Variants in VCL observed in about 807,000 individuals in gnomAD.
VCL encodes epididymis luminal protein 114.
Under a neutral mutation model 125.7 loss-of-function variants are expected in VCL, and 47 were observed. That is an observed-to-expected ratio of 0.37 (90% confidence interval 0.30 to 0.48). The LOEUF (loss-of-function observed/expected upper bound fraction) is 0.48. Among genes scored for constraint, VCL ranks in the 20% least tolerant of loss-of-function variants. VCL has a pLI of 0.99. For missense variants in VCL, 1,069 were observed against 1,455.5 expected (o/e 0.73, Z 4.32); for synonymous variants, 458 against 514.6 (o/e 0.89, Z 1.49).
At chr10:74,108,028 A>G (rs1840164608) in intron 17 of VCL, among the ~76,000 whole-genome samples, 1 of 152,242 alleles carries the variant, frequency 6.6e-6, no homozygotes, top group African/African-American at 2.4e-5. Context: ...TTATCAAGGC[A>G]ATAATCTGAT....
chr10:74,087,867 T>A (rs894825155), intron 8 of VCL, among the ~76,000 whole-genome samples: 12 of 152,042 alleles, frequency 7.9e-5, no homozygotes, highest in South Asian at 6.2e-4. Flanking sequence ...TCTCAGCTAC[T>A]CGGGAGGCCG....
intron 2 of VCL, among the ~76,000 whole-genome samples, chr10:74,058,261 T>C (rs2136262336): frequency 6.6e-6 from 1 of 152,294 alleles, no homozygotes; most frequent in South Asian, 2.1e-4. Flanking sequence ...CTTCCTTCCC[T>C]CCACCTGTTT....
chr10:74,086,316 C>T (rs573926536), intron 8 of VCL, among the ~76,000 whole-genome samples: 9 of 152,326 alleles, frequency 5.9e-5, no homozygotes, highest in African/African-American at 2.2e-4. Context: ...TTCCTGGATT[C>T]CCTGCAGCCC....
At chr10:74,106,094 G>A (rs952210451) in intron 16 of VCL, among the ~76,000 whole-genome samples, 2 of 148,780 alleles carry the variant, frequency 1.3e-5, no homozygotes, top group Non-Finnish European at 3.0e-5. Context: ...CTAATTTTTT[G>A]TAGTTTTAGT....
In VCL at chr10:74,097,268, C is replaced by G; in HGVS notation, c.1808C>G (p.Thr603Arg). The G allele has an allele frequency of 1.2e-6, 2 of 1,614,138 alleles. No individual in the cohort carries two copies. The highest frequency in any genetic ancestry group is 1.7e-6 in the Non-Finnish European group (2 of 1,180,008). Residue 603 changes from threonine to arginine, a missense_variant, in exon 13 of 22, where the codon ACA becomes AGA. Transcript: ENST00000211998. This position sits in a 1 kb window ranked among gnomAD's most constrained non-coding sequence, Gnocchi z 4.1. Reference protein sequence around the residue: ...QEVSDVFSDTTTPIKLLAVAA... With the variant: ...QEVSDVFSDTRTPIKLLAVAA... Reference sequence around the variant, plus strand: ...GTGTCAGATGTTTTCAGCGATACCACAACTCCCATCAAGCTGTTGGCAGTG... The same window carrying G: ...GTGTCAGATGTTTTCAGCGATACCAGAACTCCCATCAAGCTGTTGGCAGTG...
intron 7 of VCL, 104 bp downstream of exon 7, chr10:74,082,648 C>T (rs1256633534): frequency 6.6e-6 from 8 of 1,207,548 alleles, no homozygotes; most frequent in Non-Finnish European, 9.6e-6. Flanking sequence ...GAGAGAACTA[C>T]TGTAACATTA....
At chr10:74,080,145 G>C (rs1444351226) in intron 6 of VCL, among the ~76,000 whole-genome samples, 1 of 152,034 alleles carries the variant, frequency 6.6e-6, no homozygotes, top group Non-Finnish European at 1.5e-5. Flanking sequence ...AATCATTTTT[G>C]GGCATTGGAG....
intron 2 of VCL, 29 bp from the exon 3 acceptor site, chr10:74,070,641 G>C: frequency 6.2e-7 from 1 of 1,613,624 alleles, no homozygotes; most frequent in South Asian, 1.1e-5. Flanking sequence ...TGGTTCTGCC[G>C]GTGTGTTAAC....
intron 1 of VCL, among the ~76,000 whole-genome samples, chr10:74,019,844 C>G (rs1840627651): frequency 6.6e-6 from 1 of 152,142 alleles, no homozygotes. Flanking sequence ...GGTCAGATCA[C>G]CTGAGGTCAG....
At chr10:74,010,172 G>A (rs746131336) in intron 1 of VCL, among the ~76,000 whole-genome samples, 5 of 151,628 alleles carry the variant, frequency 3.3e-5, no homozygotes, top group Non-Finnish European at 7.4e-5. Context: ...TGATCCATCC[G>A]CCTCGGATTC....
chr10:74,108,668 TG>T (rs1364018692), intron 17 of VCL, among the ~76,000 whole-genome samples: 5 of 152,062 alleles, frequency 3.3e-5, no homozygotes. Context: ...TTAGTAGAGA[TG>T]GGGTTTCACC....
intron 6 of VCL, among the ~76,000 whole-genome samples, chr10:74,079,173 A>AT (rs1296437783): frequency 2.6e-5 from 4 of 152,070 alleles, no homozygotes; most frequent in African/African-American, 9.7e-5. Context: ...AAGGCACTGT[A>AT]TTTTTTTCAT....
chr10:74,042,816 A>C (rs192818898), intron 1 of VCL, among the ~76,000 whole-genome samples: 1 of 152,160 alleles, frequency 6.6e-6, no homozygotes, highest in African/African-American at 2.4e-5. Context: ...AATTTCTCCT[A>C]TTATGCTCAG....
In VCL at chr10:74,101,217, C is replaced by T. The variant is rs530738950; in HGVS notation, c.2022+120C>T. 40 of 1,377,564 alleles carry T rather than the reference C, an allele frequency of 2.9e-5. 1 individual carries two copies. In the East Asian group the frequency reaches 3.0e-4, roughly 10 times the overall value. 85.3% of individuals were successfully genotyped at this position (1,377,564 alleles called of 1,614,324 possible). A position where few individuals can be genotyped will look rare whatever the true frequency, so the allele number is the denominator to read the frequency against. The stretch of plus-strand genomic sequence containing the variant: ...ATAAAAAAACATATACAGGCCAGCA[C>T]GGTAGCACCTATAATTCCGGCACTT... On this transcript the variant is annotated intron_variant, in intron 14 of 21. Transcript: ENST00000211998.
At chr10:74,011,695 A>G (rs1408251849) in intron 1 of VCL, among the ~76,000 whole-genome samples, 3 of 152,172 alleles carry the variant, frequency 2.0e-5, no homozygotes, top group African/African-American at 7.2e-5. Flanking sequence ...TGTACCAAAT[A>G]TTTATACAGT....
chr10:74,072,756 G>T lies in VCL; in HGVS notation c.526G>T (p.Asp176Tyr). 6.2e-7 allele frequency: 1 copy of T among 1,614,006 alleles called. No individual in the cohort carries two copies. The highest frequency in any genetic ancestry group is 1.1e-5 in the South Asian group (1 of 91,080). ...PGMTKMAKMI[D>Y]ERQQELTHQE... ...AATGACTAAGATGGCCAAGATGATT[G>T]ACGAGAGACAGCAGGAGCTCACTCA... The change falls in exon 5 of 22, where the codon GAC (aspartate) becomes TAC (tyrosine). Residue 176 changes from aspartate to tyrosine, a missense_variant. Asp to Tyr is a radical substitution (Grantham distance 160). Transcript: ENST00000211998.
At chr10:74,052,870 TG>T (rs1841329330) in intron 2 of VCL, among the ~76,000 whole-genome samples, 1 of 151,074 alleles carries the variant, frequency 6.6e-6, no homozygotes, top group South Asian at 2.1e-4. Context: ...GTTTACTACA[TG>T]AATATAGATT....
Position 74,097,221 on chromosome 10 carries a change from G to A in VCL, c.1761G>A (p.Met587Ile). ...TTTTTAAGGATCTAAAAGCTCGGAT[G>A]CAGGAGGCCATGACTCAGGAAGTGT... The part of the protein sequence containing the change: ...QDSLKDLKAR[M>I]QEAMTQEVSD... The change falls in exon 13 of 22, where the codon ATG becomes ATA. Residue 587 changes from methionine to isoleucine, a missense_variant. Transcript: ENST00000211998. The surrounding 1 kb of genome is among the most constrained non-coding windows in gnomAD (Gnocchi z 4.1). 1 of 1,614,032 alleles carries A rather than the reference G, an allele frequency of 6.2e-7. No homozygotes were observed. The highest frequency in any genetic ancestry group is 8.5e-7 in the Non-Finnish European group (1 of 1,179,944).
At chr10:74,028,292 C>T (rs960993333) in intron 1 of VCL, among the ~76,000 whole-genome samples, 1 of 151,792 alleles carries the variant, frequency 6.6e-6, no homozygotes, top group African/African-American at 2.4e-5. Flanking sequence ...CTATGTTGCC[C>T]AGGCTGGTCT....
Sources: gnomAD v4.1 joint callset for allele counts (sites outside exome capture counted in the v4.1 genomes callset) on GRCh38, gnomAD v4.1.1 for gene constraint, Gnocchi (gnomAD v3.1) non-coding constraint, MANE v1.5 for transcripts, NCBI Gene and HGNC (gene_info 2026-07-23, HGNC 2026-07-21) for gene names.